The following STAT4 variants were observed in gnomAD, a reference collection of about 807,000 sequenced individuals.
STAT4 encodes the protein signal transducer and activator of transcription 4.
Under a neutral mutation model 110.5 loss-of-function variants are expected in STAT4, and 42 were observed. The ratio of observed to expected loss-of-function variants is 0.38; its 90% confidence interval spans 0.30 to 0.49. The LOEUF (loss-of-function observed/expected upper bound fraction) is 0.49, where lower values mean the gene tolerates loss of function less well. Among genes scored for constraint, STAT4 ranks in the 20% least tolerant of loss-of-function variants. The pLI is 0.95. For synonymous variants in STAT4, 284 were observed against 302.2 expected (o/e 0.94, Z 0.63); for missense variants, 632 against 887.9 (o/e 0.71, Z 3.66).
At chr2:191,075,218 A>G (rs936162519) in intron 4 of STAT4, among the ~76,000 whole-genome samples, 1 of 152,188 alleles carries the variant, frequency 6.6e-6, no homozygotes, top group Non-Finnish European at 1.5e-5. Context: ...TAATGGTATG[A>G]TTTATTGAAT....
At position 191,088,985 on chromosome 2, in the gene STAT4, G is replaced by A. The variant is rs535407870; in HGVS notation, c.274-12660C>T. Among the ~76,000 whole-genome samples, 45 of 152,148 alleles carry A rather than the reference G, an allele frequency of 3.0e-4. No individual in the cohort carries two copies. The South Asian group carries it at 6.2e-3, about 21-fold the overall frequency. ...AAATGTAAAATGCAAAACTATAAAC[G>A]TCTTAGAAGATAACAGAAAATAATC... is the stretch of plus-strand genomic sequence containing the variant. On this transcript the variant is annotated intron_variant, in intron 3 of 23. Transcript: ENST00000392320.
Position 191,029,956 on chromosome 2 carries a change from A to G in STAT4, c.2221-90T>C, listed in dbSNP as rs1487106810. 5 of 998,202 alleles carry G rather than the reference A, an allele frequency of 5.0e-6. No individual in the cohort carries two copies. Among genetic ancestry groups the G allele is most frequent in the Non-Finnish European group, 7.6e-6 (5 of 661,504 alleles). 61.8% of individuals were successfully genotyped at this position (998,202 alleles called of 1,614,324 possible). A position where few individuals can be genotyped will look rare whatever the true frequency, so the allele number is the denominator to read the frequency against. On this transcript the variant is annotated intron_variant, in intron 23 of 23. Coordinates refer to ENST00000392320, the MANE Select transcript of STAT4 (RefSeq NM_003151.4). The surrounding 1 kb of genome is among the most constrained non-coding windows in gnomAD (Gnocchi z 4.5). ...TGGGCAAATAAACGTCCTCTTTTCT[A>G]CGAATTACTCCATAATTTTTCTATT...
chr2:191,054,027 C>A (rs1052933690), intron 14 of STAT4, among the ~76,000 whole-genome samples: 2 of 150,828 alleles, frequency 1.3e-5, no homozygotes, highest in Non-Finnish European at 2.9e-5. Flanking sequence ...ACTTGCAAGG[C>A]TGAGGTGGGA....
chr2:191,064,745 G>A (rs1696939698), intron 8 of STAT4, 62 bp downstream of exon 8: 1 of 1,561,210 alleles, frequency 6.4e-7, no homozygotes, highest in Non-Finnish European at 8.7e-7. Flanking sequence ...CTCTGGCTGA[G>A]TGACACTGAA....
chr2:191,063,094 C>A (rs919690336), intron 8 of STAT4, among the ~76,000 whole-genome samples, 174 bp from the exon 9 acceptor site: 1 of 152,002 alleles, frequency 6.6e-6, no homozygotes, highest in Admixed American at 6.6e-5. Flanking sequence ...ATTTTCCTAA[C>A]CCATTTTTTT....
At chr2:191,064,182 C>T (rs532741877) in intron 8 of STAT4, among the ~76,000 whole-genome samples, 46 of 152,256 alleles carry the variant, frequency 3.0e-4, no homozygotes, top group Non-Finnish European at 5.3e-4. Context: ...TTGTGGTATA[C>T]AACATGATGT....
In STAT4 at chr2:191,150,782, G is replaced by A. The variant is rs1030280114; in HGVS notation, c.-2+165C>T. Among the ~76,000 whole-genome samples the A allele has an allele frequency of 5.3e-5, 8 of 152,352 alleles. 1 individual carries two copies. The highest frequency in any genetic ancestry group is 5.2e-4 in the Admixed American group (8 of 15,306). ...GGAGAACCCGTGCCAGGGCGCATCTGTGGGTCGTGGAGTCGGGCGCTTCCT... is the reference window on the plus strand; with the variant it reads ...GGAGAACCCGTGCCAGGGCGCATCTATGGGTCGTGGAGTCGGGCGCTTCCT... On this transcript the variant is annotated intron_variant, in intron 1 of 23. Coordinates refer to ENST00000392320, the MANE Select transcript of STAT4 (RefSeq NM_003151.4). This position sits in a 1 kb window ranked among gnomAD's most constrained non-coding sequence, Gnocchi z 6.4.
In STAT4 at chr2:191,115,116, AGG is replaced by A. The variant is rs1350882426; in HGVS notation, c.273+31495_273+31496del. On this transcript the variant is annotated intron_variant, in intron 3 of 23. Coordinates refer to ENST00000392320, the MANE Select transcript of STAT4 (RefSeq NM_003151.4). The stretch of plus-strand genomic sequence containing the variant: ...TTTTCAATTCTACCAACACTTATGG[AGG>A]GTCTGCTATATGCCACACACTGTGC... Among the ~76,000 whole-genome samples, 16 of 152,276 alleles carry A rather than the reference AGG, an allele frequency of 1.1e-4. No homozygotes were observed. The South Asian group carries it at 3.3e-3, about 32-fold the overall frequency.
At position 191,029,661 on chromosome 2, in the gene STAT4, C is replaced by A. The variant is rs1205048700; in HGVS notation, c.*179G>T. On this transcript the variant is annotated 3_prime_UTR_variant, in exon 24 of 24. Transcript: ENST00000392320. This position sits in a 1 kb window ranked among gnomAD's most constrained non-coding sequence, Gnocchi z 4.5. The stretch of plus-strand genomic sequence containing the variant: ...TCTGAAGCTTTGGTTTCAAGCATTT[C>A]AGTCACAACACTCCCAATTGAGGAG... The A allele has an allele frequency of 8.4e-6, 5 of 597,948 alleles. No individual in the cohort carries two copies. The East Asian group carries it at 1.3e-4, about 15-fold the overall frequency. The allele number at this position is 597,948 out of a possible 1,614,324, so 37.0% of individuals were successfully genotyped here.
chr2:191,055,365 ATTTTTTTT>A (rs371295889), intron 13 of STAT4, among the ~76,000 whole-genome samples: 15 of 96,956 alleles, frequency 1.5e-4, no homozygotes, highest in African/African-American at 6.1e-4. Flanking sequence ...AGCCTGGCTA[ATTTTTTTT>A]TTTTTTTTTT....
chr2:191,045,392 G>A (rs991388558), intron 14 of STAT4, among the ~76,000 whole-genome samples: 5 of 152,280 alleles, frequency 3.3e-5, no homozygotes, highest in Middle Eastern at 3.4e-3. Flanking sequence ...AATTTGGGAG[G>A]AATTATTCTC....
In STAT4 at chr2:191,062,736, G is replaced by A; in HGVS notation, c.941+26C>T. 6.2e-7 allele frequency: 1 copy of A among 1,612,252 alleles called. No homozygotes were observed. The highest frequency in any genetic ancestry group is 8.5e-7 in the Non-Finnish European group (1 of 1,179,016). On this transcript the variant is annotated intron_variant, in intron 9 of 23. Coordinates refer to ENST00000392320, the MANE Select transcript of STAT4 (RefSeq NM_003151.4). The surrounding 1 kb of genome is among the most constrained non-coding windows in gnomAD (Gnocchi z 4.9). ...GGTGTTCTTACTTCACAGAATGGAGGATGCCATTGATAGCACTTCACTTAC... is the reference window on the plus strand; with the variant it reads ...GGTGTTCTTACTTCACAGAATGGAGAATGCCATTGATAGCACTTCACTTAC...
intron 3 of STAT4, among the ~76,000 whole-genome samples, chr2:191,136,272 C>T (rs764526145): frequency 2.0e-5 from 3 of 152,200 alleles, no homozygotes; most frequent in Non-Finnish European, 4.4e-5. Flanking sequence ...GACAAACCTA[C>T]AGCTAACATC....
At position 191,142,009 on chromosome 2, in the gene STAT4, T is replaced by C. The variant is rs1182129304; in HGVS notation, c.273+4604A>G. On this transcript the variant is annotated intron_variant, in intron 3 of 23. Transcript: ENST00000392320. The surrounding 1 kb of genome is among the most constrained non-coding windows in gnomAD (Gnocchi z 4.1). ...GGAATGTAAATTAATACAACCAGTA[T>C]GGAAATGTCTCAAAAAACTAAAAAT... is the stretch of plus-strand genomic sequence containing the variant. Among the ~76,000 whole-genome samples the C allele has an allele frequency of 1.3e-5, 2 of 152,104 alleles. No homozygotes were observed. Among genetic ancestry groups the C allele is most frequent in the Admixed American group, 6.6e-5 (1 of 15,262 alleles).
chr2:191,124,074 CATGACATTTGATCCATTT>C (rs1698810888), intron 3 of STAT4, among the ~76,000 whole-genome samples: 1 of 24,968 alleles, frequency 4.0e-5, no homozygotes, highest in Admixed American at 6.7e-4. Flanking sequence ...GCAATAATGA[CATGACATTTGATCCATTT>C]AGTTAGGAAT....
chr2:191,076,140 C>T (rs751884990), intron 4 of STAT4, 87 bp downstream of exon 4: 1 of 1,096,634 alleles, frequency 9.1e-7, no homozygotes, highest in Admixed American at 1.8e-5. Flanking sequence ...AGGTGTGAGC[C>T]ACTGTACCCT....
At chr2:191,141,270 A>G (rs751427037) in intron 3 of STAT4, among the ~76,000 whole-genome samples, 7 of 151,896 alleles carry the variant, frequency 4.6e-5, no homozygotes, top group Non-Finnish European at 1.0e-4. Flanking sequence ...AGACATACAA[A>G]TAGTCAACAG....
rs1698238299 is a variant in STAT4, at chr2:191,104,953, G to A, written c.274-28628C>T. On this transcript the variant is annotated intron_variant, in intron 3 of 23. Coordinates refer to ENST00000392320, the MANE Select transcript of STAT4 (RefSeq NM_003151.4). This position sits in a 1 kb window ranked among gnomAD's most constrained non-coding sequence, Gnocchi z 4.3. The stretch of plus-strand genomic sequence containing the variant: ...AGGGGCAGCTGTTTAAAAAGGAAAG[G>A]TATAATCAGAGTTGGCATTATTTTC... 6.6e-6 allele frequency among the ~76,000 whole-genome samples: 1 copy of A among 152,088 alleles called. No homozygotes were observed. Among genetic ancestry groups the A allele is most frequent in the South Asian group, 2.1e-4 (1 of 4,822 alleles).
intron 3 of STAT4, among the ~76,000 whole-genome samples, chr2:191,089,485 A>T (rs999733851): frequency 6.6e-6 from 1 of 152,210 alleles, no homozygotes; most frequent in Non-Finnish European, 1.5e-5. Flanking sequence ...AGCCATTTTC[A>T]AAAACAGTTT....
Sources: allele counts gnomAD v4.1 joint callset (sites outside exome capture counted in the v4.1 genomes callset), GRCh38; gene constraint gnomAD v4.1.1; non-coding constraint Gnocchi (gnomAD v3.1); transcripts MANE v1.5; gene names NCBI Gene and HGNC (gene_info 2026-07-23, HGNC 2026-07-21).